Variants in TGFBR3 observed in about 807,000 individuals in gnomAD.
The protein encoded by TGFBR3 is transforming growth factor beta receptor type 3.
Under a neutral mutation model 87.9 loss-of-function variants are expected in TGFBR3, and 46 were observed. The observed-to-expected ratio is 0.52, with a 90% CI of 0.41 to 0.67. The LOEUF is 0.67. Among genes scored for constraint, TGFBR3 ranks in the 30% least tolerant of loss-of-function variants. TGFBR3 has a pLI of 0.00. For missense variants in TGFBR3, 866 were observed against 1,041.9 expected (o/e 0.83, Z 2.32); for synonymous variants, 381 against 391.6 (o/e 0.97, Z 0.32).
At chr1:91,786,138 T>C (rs1442519286) in intron 3 of TGFBR3, 1 of 445,700 alleles carries the variant, frequency 2.2e-6, no homozygotes, top group East Asian at 7.0e-5. Flanking sequence ...TCAACTCTAA[T>C]AGGTGCTAAA....
Position 91,683,661 on chromosome 1 carries a change from C to T in TGFBR3, c.*78G>A, listed in dbSNP as rs895636610. ...GCCCTCTGAGTCTGGACACGAGGCT[C>T]AGCCATTGGTCCTGCCCTTGGCAGT... On this transcript the variant is annotated 3_prime_UTR_variant, in exon 17 of 17. Coordinates refer to ENST00000212355, the MANE Select transcript of TGFBR3 (RefSeq NM_003243.5). 1 of 1,208,414 alleles carries T rather than the reference C, an allele frequency of 8.3e-7. No individual in the cohort carries two copies. Among genetic ancestry groups the T allele is most frequent in the Non-Finnish European group, 1.2e-6 (1 of 854,268 alleles). The allele number at this position is 1,208,414 out of a possible 1,614,324, so 74.9% of individuals were successfully genotyped here.
chr1:91,804,818 A>G (rs1675771090), intron 2 of TGFBR3, among the ~76,000 whole-genome samples: 1 of 152,150 alleles, frequency 6.6e-6, no homozygotes, highest in African/African-American at 2.4e-5. Context: ...TCCTGTGGCC[A>G]CGGCTGAAAA....
intron 16 of TGFBR3, among the ~76,000 whole-genome samples, chr1:91,686,454 C>A (rs555222444): frequency 3.3e-5 from 5 of 151,850 alleles, no homozygotes; most frequent in African/African-American, 1.2e-4. Context: ...CAATAATGGG[C>A]CAAGGTGAGT....
At chr1:91,735,756 T>C (rs1012699655) in intron 4 of TGFBR3, among the ~76,000 whole-genome samples, 4 of 152,236 alleles carry the variant, frequency 2.6e-5, no homozygotes, top group Non-Finnish European at 4.4e-5. Context: ...ATCATCTTGT[T>C]GCTGTGCTAT....
At chr1:91,769,787 C>G (rs1226171916) in intron 3 of TGFBR3, among the ~76,000 whole-genome samples, 2 of 152,092 alleles carry the variant, frequency 1.3e-5, no homozygotes, top group African/African-American at 4.8e-5. Flanking sequence ...AAGGCCGAGA[C>G]AGCTGCAAAG....
chr1:91,780,958 G>A (rs541887564), intron 3 of TGFBR3, among the ~76,000 whole-genome samples: 2 of 151,214 alleles, frequency 1.3e-5, no homozygotes, highest in African/African-American at 4.9e-5. Context: ...TGGCATTTGA[G>A]CCATCAGCTG....
chr1:91,695,479 C>T, intron 16 of TGFBR3, 193 bp downstream of exon 16: 1 of 607,228 alleles, frequency 1.6e-6, no homozygotes, highest in Non-Finnish European at 3.0e-6. Context: ...CAGTTTAAAC[C>T]TTCCTTTTCT....
At position 91,682,091 on chromosome 1, in the gene TGFBR3, G is replaced by A. The variant is rs1378014897; in HGVS notation, c.*1648C>T. On this transcript the variant is annotated 3_prime_UTR_variant, in exon 17 of 17. Coordinates refer to ENST00000212355, the MANE Select transcript of TGFBR3 (RefSeq NM_003243.5). ...TTGAATGTGTATATCTATCAGGTAA[G>A]TCATATTATTACTCAACGATTTGGT... 5 of 453,718 alleles carry A rather than the reference G, an allele frequency of 1.1e-5. No homozygotes were observed. The highest frequency in any genetic ancestry group is 2.2e-5 in the Non-Finnish European group (5 of 226,724). The allele number at this position is 453,718 out of a possible 1,614,324, so 28.1% of individuals were successfully genotyped here.
At chr1:91,801,099 A>AAAG (rs58454913) in intron 2 of TGFBR3, 27,783 of 173,836 alleles carry the variant, frequency 0.16, 2,972 homozygotes, top group African/African-American at 0.25. Flanking sequence ...AAAAAAAAAA[A>AAAG]AGAGAGAGAG....
At chr1:91,707,694 A>G (rs1203192846) in intron 14 of TGFBR3, among the ~76,000 whole-genome samples, 1 of 151,976 alleles carries the variant, frequency 6.6e-6, no homozygotes, top group Non-Finnish European at 1.5e-5. Flanking sequence ...GAAATATCTA[A>G]CCCCGCTTGG....
At chr1:91,703,654 A>G (rs1046929201) in intron 14 of TGFBR3, among the ~76,000 whole-genome samples, 1 of 152,174 alleles carries the variant, frequency 6.6e-6, no homozygotes, top group Non-Finnish European at 1.5e-5. Context: ...TGGTGTAATC[A>G]TTTTTACTGT....
chr1:91,772,195 T>A (rs1674404052), intron 3 of TGFBR3, among the ~76,000 whole-genome samples: 1 of 152,226 alleles, frequency 6.6e-6, no homozygotes, highest in East Asian at 1.9e-4. Context: ...TCCTGATAGA[T>A]AATGAGTACA....
chr1:91,769,369 G>C (rs1177394781), intron 3 of TGFBR3, among the ~76,000 whole-genome samples: 1 of 152,056 alleles, frequency 6.6e-6, no homozygotes, highest in African/African-American at 2.4e-5. Context: ...TAAACATCAA[G>C]CTGCTGGCAT....
rs1557652100 is a variant in TGFBR3 at position 91,681,266 on chromosome 1, T to C, written c.*2473A>G. On this transcript the variant is annotated 3_prime_UTR_variant, in exon 17 of 17. Transcript: ENST00000212355. ...CCTTATTTTTTTCATGTTCATTTTT[T>C]AGAAACATTTCAGAAATACTTAACG... is the stretch of plus-strand genomic sequence containing the variant. 2 of 441,892 alleles carry C rather than the reference T, an allele frequency of 4.5e-6. No homozygotes were observed. Among genetic ancestry groups the C allele is most frequent in the African/African-American group, 2.0e-5 (1 of 49,288 alleles). The allele number at this position is 441,892 out of a possible 1,614,324, so 27.4% of individuals were successfully genotyped here. A position where few individuals can be genotyped will look rare whatever the true frequency, so the allele number is the denominator to read the frequency against.
chr1:91,870,904 C>T lies in TGFBR3; in HGVS notation c.-113-9260G>A, dbSNP rs922772704. Among the ~76,000 whole-genome samples the T allele has an allele frequency of 5.9e-5, 9 of 152,064 alleles. No homozygotes were observed. In the East Asian group the frequency reaches 7.7e-4, roughly 13 times the overall value. On this transcript the variant is annotated intron_variant, in intron 1 of 16. Transcript: ENST00000212355. ...CACAAATATTAGCCAGGCATGGTGG[C>T]GCATGCCAATAGTCCTAGCTACTTG...
At chr1:91,765,083 A>T (rs1316408525) in intron 3 of TGFBR3, among the ~76,000 whole-genome samples, 2 of 151,846 alleles carry the variant, frequency 1.3e-5, no homozygotes, top group African/African-American at 4.8e-5. Context: ...ATGAGTTTTC[A>T]TTAGCATTCA....
At chr1:91,691,069 A>G (rs1172321565) in intron 16 of TGFBR3, among the ~76,000 whole-genome samples, 5 of 152,192 alleles carry the variant, frequency 3.3e-5, no homozygotes, top group Non-Finnish European at 5.9e-5. Flanking sequence ...TGAAGCCAGT[A>G]TTAAAAACTC....
intron 1 of TGFBR3, among the ~76,000 whole-genome samples, chr1:91,902,059 T>G (rs1679732262): frequency 6.6e-6 from 1 of 152,072 alleles, no homozygotes; most frequent in Admixed American, 6.6e-5. Context: ...TACATAATAC[T>G]AGCATGCACA....
intron 3 of TGFBR3, among the ~76,000 whole-genome samples, chr1:91,780,551 C>CTTCTT (rs542384234): frequency 2.6e-5 from 2 of 77,166 alleles, no homozygotes; most frequent in Non-Finnish European, 2.3e-5. Context: ...GGGTCTAAGG[C>CTTCTT]TTTTTTTTTT....
Sources: allele counts gnomAD v4.1 joint callset (sites outside exome capture counted in the v4.1 genomes callset), GRCh38; gene constraint gnomAD v4.1.1; transcripts MANE v1.5; gene names NCBI Gene and HGNC (gene_info 2026-07-23, HGNC 2026-07-21).